The following PTPRM variants were observed in gnomAD, a reference collection of about 807,000 sequenced individuals.
The protein encoded by PTPRM is protein tyrosine phosphatase receptor type M, also known as receptor-type tyrosine-protein phosphatase mu.
Under a neutral mutation model 186.7 loss-of-function variants are expected in PTPRM, and 47 were observed. The ratio of observed to expected loss-of-function variants is 0.25; its 90% confidence interval spans 0.20 to 0.32. The LOEUF is 0.32. Among genes scored for constraint, PTPRM ranks in the 10% least tolerant of loss-of-function variants. PTPRM has a pLI of 1.00. For missense variants in PTPRM, 1,494 were observed against 1,865.0 expected (o/e 0.80, Z 3.66); for synonymous variants, 668 against 674.9 (o/e 0.99, Z 0.16).
chr18:8,183,852 GC>G (rs1232309729), intron 14 of PTPRM, among the ~76,000 whole-genome samples: 3 of 152,160 alleles, frequency 2.0e-5, no homozygotes, highest in Admixed American at 6.5e-5. Context: ...GGTGGAACCG[GC>G]CTGCCACTTG....
intron 22 of PTPRM, among the ~76,000 whole-genome samples, chr18:8,342,575 C>G (rs1485358128): frequency 6.6e-6 from 1 of 152,188 alleles, no homozygotes; most frequent in Non-Finnish European, 1.5e-5. Flanking sequence ...TGTGACTCTC[C>G]AAGCCTTTGA....
intron 9 of PTPRM, among the ~76,000 whole-genome samples, chr18:8,085,455 A>C (rs532086197): frequency 6.6e-6 from 1 of 152,162 alleles, no homozygotes; most frequent in African/African-American, 2.4e-5. Context: ...GTATATTCTA[A>C]TCTACTGGCT....
chr18:8,268,405 T>C (rs1291901651), intron 19 of PTPRM, among the ~76,000 whole-genome samples: 1 of 152,058 alleles, frequency 6.6e-6, no homozygotes, highest in African/African-American at 2.4e-5. Flanking sequence ...AATTCAAATA[T>C]AGCAATAGCA....
chr18:8,202,701 C>T lies in PTPRM; in HGVS notation c.2301-41357C>T, dbSNP rs929983978. Among the ~76,000 whole-genome samples the T allele has an allele frequency of 4.6e-5, 7 of 151,968 alleles. No homozygotes were observed. The South Asian group carries it at 8.3e-4, about 18-fold the overall frequency. Reference sequence around the variant, plus strand: ...CTACCATCTCAGTTCCTTACCTCATCGCAGCTTTTTATTTCTTTACAGATC... The same window carrying T: ...CTACCATCTCAGTTCCTTACCTCATTGCAGCTTTTTATTTCTTTACAGATC... On this transcript the variant is annotated intron_variant, in intron 14 of 32. Coordinates refer to ENST00000580170, the MANE Select transcript of PTPRM (RefSeq NM_001105244.2).
intron 1 of PTPRM, among the ~76,000 whole-genome samples, chr18:7,596,155 A>G (rs1025377370): frequency 2.0e-5 from 3 of 152,096 alleles, no homozygotes; most frequent in Admixed American, 1.3e-4. Context: ...TTATGAAGTG[A>G]AATATGTGAG....
chr18:8,291,958 A>T (rs1203591365), intron 19 of PTPRM, among the ~76,000 whole-genome samples: 3 of 152,118 alleles, frequency 2.0e-5, no homozygotes, highest in Non-Finnish European at 4.4e-5. Flanking sequence ...CCACCTCTGC[A>T]GCTGCACATC....
intron 13 of PTPRM, among the ~76,000 whole-genome samples, chr18:8,131,484 C>T (rs1210371312): frequency 6.6e-6 from 1 of 152,160 alleles, no homozygotes. Flanking sequence ...CAGAGCATAA[C>T]CTATTTTATA....
intron 3 of PTPRM, among the ~76,000 whole-genome samples, chr18:7,897,530 G>A (rs2049427658): frequency 1.3e-5 from 2 of 152,104 alleles, no homozygotes. Flanking sequence ...AAGCCACTGG[G>A]GACACAGTAG....
At chr18:7,994,338 G>A (rs1226126005) in intron 7 of PTPRM, among the ~76,000 whole-genome samples, 1 of 151,606 alleles carries the variant, frequency 6.6e-6, no homozygotes, top group African/African-American at 2.4e-5. Context: ...AATATCATTA[G>A]CGCTAATGGA....
intron 7 of PTPRM, among the ~76,000 whole-genome samples, chr18:8,010,304 G>A (rs549804664): frequency 2.0e-5 from 3 of 152,080 alleles, no homozygotes; most frequent in African/African-American, 4.8e-5. Context: ...AAAAGCCTTC[G>A]GTGACTTTTT....
chr18:8,266,196 A>C (rs2094698533), intron 19 of PTPRM, among the ~76,000 whole-genome samples: 1 of 152,106 alleles, frequency 6.6e-6, no homozygotes, highest in South Asian at 2.1e-4. Context: ...GTATTAGCAC[A>C]CTTTTGTATC....
intron 5 of PTPRM, among the ~76,000 whole-genome samples, chr18:7,943,029 G>T (rs1308642067): frequency 6.6e-6 from 1 of 152,122 alleles, no homozygotes; most frequent in African/African-American, 2.4e-5. Flanking sequence ...TTGAAGGCTT[G>T]TATCTTTTTC....
chr18:7,866,832 A>G (rs1211212615), intron 2 of PTPRM, among the ~76,000 whole-genome samples: 3 of 152,114 alleles, frequency 2.0e-5, no homozygotes, highest in Admixed American at 1.3e-4. Flanking sequence ...AAGTCTCTTT[A>G]TAGGTCTCTG....
intron 11 of PTPRM, among the ~76,000 whole-genome samples, chr18:8,102,367 T>C (rs1257681444): frequency 1.3e-5 from 2 of 152,248 alleles, no homozygotes; most frequent in Non-Finnish European, 1.5e-5. Flanking sequence ...ATTTTACCCA[T>C]AGTAGAACTT....
At chr18:8,028,741 A>T (rs570892961) in intron 7 of PTPRM, among the ~76,000 whole-genome samples, 97 of 152,302 alleles carry the variant, frequency 6.4e-4, no homozygotes, top group Non-Finnish European at 1.2e-3. Flanking sequence ...AGAAGAGCGT[A>T]TTTCTGCCTT....
At chr18:7,906,687 A>C in intron 4 of PTPRM, 104 bp downstream of exon 4, 1 of 933,430 alleles carries the variant, frequency 1.1e-6, no homozygotes, top group Non-Finnish European at 1.7e-6. Flanking sequence ...CATCTTGCCA[A>C]GACAGTTCCC....
At chr18:7,974,035 C>T (rs1307154439) in intron 7 of PTPRM, among the ~76,000 whole-genome samples, 1 of 151,152 alleles carries the variant, frequency 6.6e-6, no homozygotes, top group Non-Finnish European at 1.5e-5. Context: ...TTCCTTTGCA[C>T]TTCAATGATG....
At chr18:8,352,109 A>G (rs1443170941) in intron 23 of PTPRM, among the ~76,000 whole-genome samples, 2 of 152,238 alleles carry the variant, frequency 1.3e-5, no homozygotes, top group East Asian at 3.8e-4. Flanking sequence ...AAAGATAGTT[A>G]TAATTCACTT....
chr18:8,344,448 G>GTATATATATATATATATA (rs1207996603), intron 23 of PTPRM, among the ~76,000 whole-genome samples: 1,173 of 32,914 alleles, frequency 0.036, 16 homozygotes, highest in Non-Finnish European at 0.093. Flanking sequence ...GTGTGTGTGT[G>GTATATATATATATATATA]TATATATATA....
Sources: allele counts gnomAD v4.1 joint callset (sites outside exome capture counted in the v4.1 genomes callset), GRCh38; gene constraint gnomAD v4.1.1; transcripts MANE v1.5; gene names NCBI Gene and HGNC (gene_info 2026-07-23, HGNC 2026-07-21).